The following TRAM2 variants were observed in gnomAD, a reference collection of about 807,000 sequenced individuals.
TRAM2 encodes the protein translocating chain-associated membrane protein 2.
In TRAM2, 12 loss-of-function variants were observed where a neutral mutation model predicts 51.0. The observed-to-expected ratio is 0.24, with a 90% confidence interval of 0.15 to 0.38. The LOEUF (loss-of-function observed/expected upper bound fraction) is 0.38. Among genes scored for constraint, TRAM2 ranks in the 10% least tolerant of loss-of-function variants. The pLI is 1.00. For synonymous variants in TRAM2, 175 were observed against 179.4 expected, an observed-to-expected ratio of 0.98 and a Z score of 0.20; for missense variants, 361 against 462.0, an observed-to-expected ratio of 0.78 and a Z score of 2.00.
intron 1 of TRAM2, among the ~76,000 whole-genome samples, chr6:52,568,463 T>C (rs1767625729): frequency 6.6e-6 from 1 of 152,210 alleles, no homozygotes; most frequent in Non-Finnish European, 1.5e-5. Context: ...AATTCTGCTC[T>C]AAGTTCTGAG....
At chr6:52,547,255 G>C (rs1420968315) in intron 1 of TRAM2, among the ~76,000 whole-genome samples, 2 of 152,174 alleles carry the variant, frequency 1.3e-5, no homozygotes, top group African/African-American at 4.8e-5. Flanking sequence ...GGGGCCTAGA[G>C]AGGATGATCT....
intron 1 of TRAM2, among the ~76,000 whole-genome samples, chr6:52,552,237 G>A (rs534230899): frequency 6.6e-6 from 1 of 152,220 alleles, no homozygotes; most frequent in Admixed American, 6.5e-5. Flanking sequence ...AGCCCAGGGG[G>A]CACGGATGCA....
At chr6:52,573,618 A>G (rs1767716387) in intron 1 of TRAM2, among the ~76,000 whole-genome samples, 1 of 152,174 alleles carries the variant, frequency 6.6e-6, no homozygotes, top group African/African-American at 2.4e-5. Flanking sequence ...TGGGGTAGCA[A>G]TAGGGGTGAG....
In TRAM2 at chr6:52,513,988, G is replaced by T. The variant is rs371493697; in HGVS notation, c.411+2018C>A. Among the ~76,000 whole-genome samples the T allele has an allele frequency of 4.3e-4, 66 of 152,274 alleles. No homozygotes were observed. In the Middle Eastern group the frequency reaches 0.024, roughly 55 times the overall value. ...CTATGGCCAGATAGTTCTTTGTTGT[G>T]GAGGCTGTCCTGTGCATTAAACGCC... On this transcript the variant is annotated intron_variant, in intron 4 of 10. Transcript: ENST00000182527.
chr6:52,512,989 TCAGA>T (rs937420803), intron 4 of TRAM2, among the ~76,000 whole-genome samples: 9 of 152,292 alleles, frequency 5.9e-5, no homozygotes, highest in Non-Finnish European at 1.0e-4. Context: ...AGCAAGGAAG[TCAGA>T]CAGGGAAGAC....
chr6:52,554,322 C>T (rs1021016467), intron 1 of TRAM2, among the ~76,000 whole-genome samples: 13 of 152,086 alleles, frequency 8.5e-5, no homozygotes, highest in South Asian at 4.2e-4. Context: ...GTCAGGAGTT[C>T]GAGACCAGCC....
rs556502833 is a variant in TRAM2 at position 52,509,785 on chromosome 6, C to G, written c.412-199G>C. ...GTTTCTTTACTGTGGAAGAGTCATG[C>G]TGGAGTAGGAAGGGCCACGCTCTGA... On this transcript the variant is annotated intron_variant, in intron 4 of 10. Transcript: ENST00000182527. Among the ~76,000 whole-genome samples the G allele has an allele frequency of 1.6e-3, 241 of 152,252 alleles. 1 individual carries two copies. Among genetic ancestry groups the G allele is most frequent in the African/African-American group, 5.7e-3 (236 of 41,548 alleles).
intron 1 of TRAM2, among the ~76,000 whole-genome samples, chr6:52,537,596 G>C (rs745423773): frequency 1.3e-5 from 2 of 152,000 alleles, no homozygotes; most frequent in African/African-American, 2.4e-5. Context: ...TCTGCTTGCC[G>C]GATGCACTCT....
intron 4 of TRAM2, 106 bp downstream of exon 4, chr6:52,515,900 G>T (rs1766539117): frequency 2.1e-6 from 2 of 962,454 alleles, no homozygotes; most frequent in Non-Finnish European, 3.2e-6. Flanking sequence ...AACAGAAAAA[G>T]AAAAAGAGCA....
intron 2 of TRAM2, 114 bp from the exon 3 acceptor site, chr6:52,516,851 A>G: frequency 1.3e-6 from 1 of 788,536 alleles, no homozygotes; most frequent in Non-Finnish European, 2.2e-6. Flanking sequence ...CCCGTTTGCT[A>G]TAGCCTCAGA....
rs1353116260 is a variant in TRAM2, at chr6:52,574,475, T to C, written c.120+2321A>G. Reference sequence around the variant, plus strand: ...ACTGGAGGCTTAGGGCAAAGCCCTCTTTCTCCCAGAGAAGCACAGACTGAT... The same window carrying C: ...ACTGGAGGCTTAGGGCAAAGCCCTCCTTCTCCCAGAGAAGCACAGACTGAT... On this transcript the variant is annotated intron_variant, in intron 1 of 10. Transcript: ENST00000182527. Among the ~76,000 whole-genome samples, 3 of 152,188 alleles carry C rather than the reference T, an allele frequency of 2.0e-5. No homozygotes were observed. The East Asian group carries it at 5.8e-4, about 29-fold the overall frequency.
At chr6:52,564,724 C>G (rs1767561417) in intron 1 of TRAM2, among the ~76,000 whole-genome samples, 1 of 152,132 alleles carries the variant, frequency 6.6e-6, no homozygotes, top group South Asian at 2.1e-4. Context: ...ATCCTTTATC[C>G]CTAGCCCCAA....
intron 1 of TRAM2, among the ~76,000 whole-genome samples, chr6:52,547,262 A>G (rs777549037): frequency 1.2e-4 from 19 of 152,054 alleles, no homozygotes; most frequent in Non-Finnish European, 1.9e-4. Context: ...AGAGAGGATG[A>G]TCTCCTGGGA....
intron 7 of TRAM2, 60 bp from the exon 8 acceptor site, chr6:52,506,196 A>G: frequency 6.6e-7 from 1 of 1,511,436 alleles, no homozygotes; most frequent in East Asian, 2.3e-5. Flanking sequence ...AGCAGAAGCC[A>G]TTGCATCTTG....
chr6:52,537,029 G>T (rs1766986281), intron 1 of TRAM2, among the ~76,000 whole-genome samples: 1 of 152,182 alleles, frequency 6.6e-6, no homozygotes, highest in South Asian at 2.1e-4. Context: ...ATGCCAGTGA[G>T]AGGTCACTAT....
At chr6:52,514,241 A>G (rs948951576) in intron 4 of TRAM2, among the ~76,000 whole-genome samples, 5 of 151,696 alleles carry the variant, frequency 3.3e-5, no homozygotes, top group South Asian at 2.1e-4. Context: ...AATTTGCATC[A>G]TAACAGAAAA....
intron 1 of TRAM2, among the ~76,000 whole-genome samples, chr6:52,566,648 C>G (rs1767595018): frequency 6.6e-6 from 1 of 152,190 alleles, no homozygotes; most frequent in Admixed American, 6.5e-5. Context: ...CACCCTTGTC[C>G]CCACTGCATC....
intron 1 of TRAM2, among the ~76,000 whole-genome samples, chr6:52,568,965 C>A (rs1443864389): frequency 3.3e-5 from 5 of 152,096 alleles, no homozygotes; most frequent in African/African-American, 1.2e-4. Flanking sequence ...TCAGCTCCAC[C>A]AACCCAAAAA....
intron 2 of TRAM2, among the ~76,000 whole-genome samples, chr6:52,528,361 G>A (rs1447830316): frequency 2.0e-5 from 3 of 151,932 alleles, no homozygotes; most frequent in South Asian, 4.1e-4. Context: ...CAGAGCCACC[G>A]CTGCCCACCT....
Sources: allele counts gnomAD v4.1 joint callset (sites outside exome capture counted in the v4.1 genomes callset), GRCh38; gene constraint gnomAD v4.1.1; transcripts MANE v1.5; gene names NCBI Gene and HGNC (gene_info 2026-07-23, HGNC 2026-07-21).